Variants in TRIM44 observed in about 807,000 individuals in gnomAD.
TRIM44 encodes tripartite motif containing 44, also known as tripartite motif-containing protein 44.
Under a neutral mutation model 37.4 loss-of-function variants are expected in TRIM44, and 13 were observed. The ratio of observed to expected loss-of-function variants is 0.35; its 90% CI spans 0.23 to 0.55. The LOEUF is 0.55. TRIM44 is among the 20% of genes least tolerant of loss of function. The probability of loss-of-function intolerance (pLI) is 0.89; values close to 1 mark genes in which losing one functional copy is unlikely to be tolerated. For missense variants in TRIM44, 426 were observed against 437.2 expected, an observed-to-expected ratio of 0.97 and a Z score of 0.23; for synonymous variants, 175 against 157.2, an observed-to-expected ratio of 1.11 and a Z score of -0.85.
At chr11:35,666,558 C>T (rs1458195756) in intron 1 of TRIM44, among the ~76,000 whole-genome samples, 1 of 152,064 alleles carries the variant, frequency 6.6e-6, no homozygotes, top group Non-Finnish European at 1.5e-5. Context: ...AGATTTTTCA[C>T]ATCATTGTAA....
intron 4 of TRIM44, among the ~76,000 whole-genome samples, chr11:35,783,385 CCT>C (rs1446685536): frequency 6.6e-6 from 1 of 152,164 alleles, no homozygotes; most frequent in Non-Finnish European, 1.5e-5. Context: ...ACTCTATACC[CCT>C]GTTACTTCTT....
At chr11:35,768,800 G>A (rs543790851) in intron 4 of TRIM44, among the ~76,000 whole-genome samples, 2 of 152,274 alleles carry the variant, frequency 1.3e-5, no homozygotes, top group South Asian at 2.1e-4. Context: ...AGCTCATGGG[G>A]AGGGTAAATG....
At chr11:35,748,244 C>A (rs112379772) in intron 4 of TRIM44, among the ~76,000 whole-genome samples, 12 of 152,242 alleles carry the variant, frequency 7.9e-5, no homozygotes, top group African/African-American at 2.9e-4. Flanking sequence ...TAAAATAGGA[C>A]CCATAAAGCA....
intron 2 of TRIM44, among the ~76,000 whole-genome samples, chr11:35,716,191 G>A (rs1459408067): frequency 6.6e-6 from 1 of 152,104 alleles, no homozygotes; most frequent in Non-Finnish European, 1.5e-5. Flanking sequence ...GCCAGAGCTG[G>A]GATTTGAGAC....
At chr11:35,744,593 T>C (rs1172861039) in intron 4 of TRIM44, among the ~76,000 whole-genome samples, 2 of 152,124 alleles carry the variant, frequency 1.3e-5, no homozygotes, top group African/African-American at 2.4e-5. Flanking sequence ...CAGGGGTACA[T>C]GTGCAGGACG....
intron 2 of TRIM44, among the ~76,000 whole-genome samples, chr11:35,715,425 T>G (rs111767161): frequency 0.012 from 1,767 of 150,812 alleles, 10 homozygotes; most frequent in African/African-American, 0.019. Context: ...TGTGTGTGTG[T>G]GTGTGGGTGT....
chr11:35,758,591 G>T (rs112929685), intron 4 of TRIM44, among the ~76,000 whole-genome samples: 5 of 152,174 alleles, frequency 3.3e-5, no homozygotes, highest in Non-Finnish European at 7.3e-5. Flanking sequence ...TTTCTTCCCA[G>T]CCTCAATGGT....
intron 4 of TRIM44, 58 bp downstream of exon 4, chr11:35,735,503 C>A: frequency 2.6e-6 from 4 of 1,536,714 alleles, no homozygotes; most frequent in East Asian, 2.3e-5. Flanking sequence ...ACATTTGTGG[C>A]CTTTTAGTGC....
intron 2 of TRIM44, among the ~76,000 whole-genome samples, chr11:35,695,728 A>G (rs1851688381): frequency 6.6e-6 from 1 of 152,158 alleles, no homozygotes; most frequent in African/African-American, 2.4e-5. Context: ...CACAATTGAC[A>G]AGGAAATTTG....
At chr11:35,767,945 A>ATCAGAAGG (rs1852818879) in intron 4 of TRIM44, among the ~76,000 whole-genome samples, 1 of 152,216 alleles carries the variant, frequency 6.6e-6, no homozygotes. Flanking sequence ...GGAAATTTTA[A>ATCAGAAGG]TCAGAAGGTT....
chr11:35,665,491 A>T (rs1289934710), intron 1 of TRIM44, among the ~76,000 whole-genome samples: 1 of 149,386 alleles, frequency 6.7e-6, no homozygotes, highest in Non-Finnish European at 1.5e-5. Flanking sequence ...GACTTTGAGG[A>T]TCTTTTATAC....
intron 3 of TRIM44, among the ~76,000 whole-genome samples, chr11:35,726,472 T>C (rs1003063271): frequency 2.0e-5 from 3 of 152,106 alleles, no homozygotes; most frequent in African/African-American, 7.2e-5. Context: ...CCCCAAGTTG[T>C]GAAATGAGCC....
chr11:35,804,912 T>C (rs770334245), intron 4 of TRIM44, among the ~76,000 whole-genome samples: 2 of 152,228 alleles, frequency 1.3e-5, no homozygotes, highest in Non-Finnish European at 2.9e-5. Context: ...TCTAGAAATT[T>C]GCTGCCTAGG....
In TRIM44 at chr11:35,817,094, T is replaced by A. The variant is rs1048489320; in HGVS notation, c.*10709T>A. 6.6e-6 allele frequency: 1 copy of A among 152,214 alleles called. No homozygotes were observed. Among genetic ancestry groups the A allele is most frequent in the African/African-American group, 2.4e-5 (1 of 41,468 alleles). The allele number at this position is 152,214 out of a possible 1,614,324, so 9.4% of individuals were successfully genotyped here. ...TCCTATATTACTAATGATGACAAAG[T>A]CGCCTGACAGAGTAGATGTTCAAAT... On this transcript the variant is annotated 3_prime_UTR_variant, in exon 5 of 5. Transcript: ENST00000299413.
chr11:35,743,134 G>A (rs1003385996), intron 4 of TRIM44, among the ~76,000 whole-genome samples: 1 of 152,114 alleles, frequency 6.6e-6, no homozygotes, highest in Non-Finnish European at 1.5e-5. Flanking sequence ...CAGGAAAGCT[G>A]TCTAAGCAAA....
At chr11:35,731,366 G>T (rs1381352907) in intron 3 of TRIM44, among the ~76,000 whole-genome samples, 1 of 151,954 alleles carries the variant, frequency 6.6e-6, no homozygotes, top group African/African-American at 2.4e-5. Context: ...TTATTCTGTT[G>T]TAATGGTTAA....
intron 1 of TRIM44, among the ~76,000 whole-genome samples, chr11:35,666,744 G>T (rs1378733738): frequency 6.6e-6 from 1 of 152,062 alleles, no homozygotes; most frequent in East Asian, 1.9e-4. Context: ...GGTCGACACG[G>T]CAAGACCCTA....
intron 1 of TRIM44, among the ~76,000 whole-genome samples, chr11:35,671,274 A>T (rs1851390729): frequency 1.3e-5 from 2 of 152,308 alleles, no homozygotes; most frequent in South Asian, 4.1e-4. Flanking sequence ...GGGACAGGAA[A>T]TATCCTTGCT....
chr11:35,726,701 A>G (rs541113406), intron 3 of TRIM44, among the ~76,000 whole-genome samples: 41 of 151,154 alleles, frequency 2.7e-4, no homozygotes, highest in African/African-American at 8.7e-4. Context: ...AAAAAAAACT[A>G]TGAATGAAAG....
Sources: allele counts gnomAD v4.1 joint callset (sites outside exome capture counted in the v4.1 genomes callset), GRCh38; gene constraint gnomAD v4.1.1; transcripts MANE v1.5; gene names NCBI Gene and HGNC (gene_info 2026-07-23, HGNC 2026-07-21).